Variants in DCHS2 observed in about 807,000 individuals in gnomAD.
The protein encoded by DCHS2 is dachsous cadherin-related 2, also known as protocadherin-23.
DCHS2 carries 142 observed loss-of-function variants against 182.4 expected under a neutral mutation model. The observed-to-expected ratio is 0.78, with a 90% CI of 0.68 to 0.89. DCHS2 has a LOEUF of 0.89. DCHS2 is among the 40% of genes least tolerant of loss of function. The pLI is 0.00. For missense variants in DCHS2, 4,319 were observed against 4,198.6 expected (o/e 1.03, Z -0.79); for synonymous variants, 1,740 against 1,663.3 (o/e 1.05, Z -1.12).
chr4:154,233,931 A>AT lies in DCHS2; in HGVS notation c.*604dup, dbSNP rs1427603626. Reference sequence around the variant, plus strand: ...AGAGTTATGACAAATTTCCTTCTGAATTTTTTATTAGTTTTCCAAAAGACT... The same window carrying AT: ...AGAGTTATGACAAATTTCCTTCTGAATTTTTTTATTAGTTTTCCAAAAGACT... On this transcript the variant is annotated 3_prime_UTR_variant, in exon 20 of 20. Coordinates refer to ENST00000357232, the MANE Select transcript of DCHS2 (RefSeq NM_001358235.2). The AT allele has an allele frequency of 6.6e-6, 1 of 152,038 alleles. No individual in the cohort carries two copies. The highest frequency in any genetic ancestry group is 1.5e-5 in the Non-Finnish European group (1 of 67,988). 9.4% of individuals were successfully genotyped at this position (152,038 alleles called of 1,614,324 possible).
At position 154,482,017 on chromosome 4, in the gene DCHS2, G is replaced by A. The variant is rs116067821; in HGVS notation, c.2052+7287C>T. Among the ~76,000 whole-genome samples the A allele has an allele frequency of 3.9e-3, 600 of 152,324 alleles. 4 individuals are homozygous for A. Among genetic ancestry groups the A allele is most frequent in the Non-Finnish European group, 6.6e-3 (451 of 68,030 alleles). The stretch of plus-strand genomic sequence containing the variant: ...ATGGGAAAGTGATAAAGCCTGAAAT[G>A]AAGGTAACAGCCTGGGCTGTTTAAA... On this transcript the variant is annotated intron_variant, in intron 1 of 19. Coordinates refer to ENST00000357232, the MANE Select transcript of DCHS2 (RefSeq NM_001358235.2).
intron 1 of DCHS2, among the ~76,000 whole-genome samples, chr4:154,404,601 C>A (rs575343891): frequency 6.6e-6 from 1 of 152,328 alleles, no homozygotes; most frequent in South Asian, 2.1e-4. Context: ...CTTGACCAAT[C>A]AACTACTAAA....
chr4:154,393,575 G>T (rs1217246269), intron 1 of DCHS2, among the ~76,000 whole-genome samples: 1 of 152,116 alleles, frequency 6.6e-6, no homozygotes, highest in Non-Finnish European at 1.5e-5. Context: ...ATGTCCAAAA[G>T]GTACTTTTAA....
Position 154,235,657 on chromosome 4 carries a change from C to T in DCHS2, c.8995G>A (p.Val2999Met). 1 of 1,613,912 alleles carries T rather than the reference C, an allele frequency of 6.2e-7. No homozygotes were observed. Residue 2999 changes from valine (V) to methionine (M), a missense_variant, in exon 20 of 20, where the codon GTG (valine) becomes ATG (methionine). By Grantham distance (21) the Val-to-Met change is conservative (BLOSUM62 1). Transcript: ENST00000357232. The part of the protein sequence containing the change: ...VFASSFSISL[V>M]VSFLVFLILI... The stretch of plus-strand genomic sequence containing the variant: ...ATCAGAAACACTAAAAAGGAGACCA[C>T]CAGGCTGATTGAAAAGCTGCTGGCG...
intron 2 of DCHS2, among the ~76,000 whole-genome samples, 189 bp from the exon 3 acceptor site, chr4:154,366,630 T>C (rs1730379649): frequency 6.6e-6 from 1 of 151,832 alleles, no homozygotes; most frequent in Admixed American, 6.6e-5. Context: ...TTCAAAAGAG[T>C]GTGTATATAT....
At position 154,491,591 on chromosome 4, in the gene DCHS2, C is replaced by T. The variant is rs1437553632; in HGVS notation, c.-236G>A. ...TAGCTGCCTCTGCCGCGGCAGCCAC[C>T]TCTTCTGCCCCTGGATTTCTTTAAA... On this transcript the variant is annotated 5_prime_UTR_variant, in exon 1 of 20. Transcript: ENST00000357232. The T allele has an allele frequency of 7.5e-7, 1 of 1,341,786 alleles. No homozygotes were observed. The highest frequency in any genetic ancestry group is 1.5e-5 in the African/African-American group (1 of 66,404). 83.1% of individuals were successfully genotyped at this position (1,341,786 alleles called of 1,614,324 possible). A position where few individuals can be genotyped will look rare whatever the true frequency, so the allele number is the denominator to read the frequency against.
chr4:154,266,656 A>G (rs1578882941), intron 14 of DCHS2, among the ~76,000 whole-genome samples: 1 of 74 alleles, frequency 0.014, no homozygotes, highest in East Asian at 0.5. Context: ...GCTCCGTCTC[A>G]AAAAAAAAAA....
intron 3 of DCHS2, among the ~76,000 whole-genome samples, chr4:154,359,773 TA>T (rs925123834): frequency 2.6e-5 from 4 of 152,084 alleles, no homozygotes; most frequent in African/African-American, 9.7e-5. Context: ...TTGAGAATTT[TA>T]AAAAATTCTT....
chr4:154,490,034 A>T lies in DCHS2; in HGVS notation c.1322T>A (p.Val441Glu), dbSNP rs2111056344. The change falls in exon 1 of 20, where the codon GTG becomes GAG. Residue 441 changes from valine (V) to glutamate (E), a missense_variant. By Grantham distance (121) the Val-to-Glu change is moderately radical (BLOSUM62 -2). Transcript: ENST00000357232. ...CTCCCAGTCACCGTCCGCGTCAGAC[A>T]CCGAGACGCGAGCCACGTAGTCGCC... The part of the protein sequence containing the change: ...RPGDYVARVS[V>E]SDADGDWEKE... 6.5e-7 allele frequency: 1 copy of T among 1,547,684 alleles called. No individual in the cohort carries two copies. The highest frequency in any genetic ancestry group is 8.7e-7 in the Non-Finnish European group (1 of 1,146,938).
intron 3 of DCHS2, among the ~76,000 whole-genome samples, chr4:154,338,261 G>T (rs1728906009): frequency 6.6e-6 from 1 of 152,090 alleles, no homozygotes; most frequent in Non-Finnish European, 1.5e-5. Context: ...AAAATTAAAA[G>T]AAATTTTGAA....
At chr4:154,463,061 T>C (rs1183629892) in intron 1 of DCHS2, among the ~76,000 whole-genome samples, 1 of 151,458 alleles carries the variant, frequency 6.6e-6, no homozygotes, top group African/African-American at 2.4e-5. Context: ...TCTGTATCCT[T>C]CTAAACATTT....
intron 1 of DCHS2, among the ~76,000 whole-genome samples, chr4:154,401,338 G>C (rs1732170744): frequency 6.6e-6 from 1 of 152,038 alleles, no homozygotes; most frequent in Non-Finnish European, 1.5e-5. Flanking sequence ...GAATATTATC[G>C]CATGAGTCTT....
chr4:154,326,205 G>A (rs752926710), intron 7 of DCHS2, among the ~76,000 whole-genome samples: 1 of 152,138 alleles, frequency 6.6e-6, no homozygotes, highest in East Asian at 1.9e-4. Context: ...AGGAGTCTGG[G>A]CATGCTTTAA....
chr4:154,312,560 A>C (rs2111318037), intron 10 of DCHS2, among the ~76,000 whole-genome samples: 1 of 152,286 alleles, frequency 6.6e-6, no homozygotes, highest in Non-Finnish European at 1.5e-5. Context: ...ATAAAAATAA[A>C]ACACAAATAA....
chr4:154,486,516 A>C, intron 1 of DCHS2: 3 of 1,304,672 alleles, frequency 2.3e-6, no homozygotes, highest in Non-Finnish European at 3.0e-6. Flanking sequence ...TTGAGCAGAT[A>C]TAAGCTGTAA....
chr4:154,357,027 T>C (rs1729903560), intron 3 of DCHS2, among the ~76,000 whole-genome samples: 1 of 152,090 alleles, frequency 6.6e-6, no homozygotes, highest in Non-Finnish European at 1.5e-5. Flanking sequence ...CATCCAGGAT[T>C]AAAGCAAGGG....
intron 1 of DCHS2, among the ~76,000 whole-genome samples, chr4:154,475,412 C>T (rs1735643454): frequency 6.6e-6 from 1 of 152,116 alleles, no homozygotes; most frequent in Non-Finnish European, 1.5e-5. Context: ...AGGGTAGAGT[C>T]ATTTAATTCA....
intron 2 of DCHS2, among the ~76,000 whole-genome samples, chr4:154,367,882 T>C (rs1730460556): frequency 6.6e-6 from 1 of 152,024 alleles, no homozygotes. Context: ...GAAGATTGTA[T>C]GGGAGGAAGG....
rs1157346305 is a variant in DCHS2, at chr4:154,321,221, A to C, written c.4178T>G (p.Val1393Gly). The C allele has an allele frequency of 1.3e-6, 2 of 1,500,916 alleles. No homozygotes were observed. The highest frequency in any genetic ancestry group is 1.8e-6 in the Non-Finnish European group (2 of 1,124,742). 93.0% of individuals were successfully genotyped at this position (1,500,916 alleles called of 1,614,324 possible). Reference protein sequence around the residue: ...LQGQAVVNIQVIPLSKGRAIM... With the variant: ...LQGQAVVNIQGIPLSKGRAIM... ...TGCTCTCCCTTTGGATAGTGGGATC[A>C]CCTGAAATACGAATAAAAGAGATAT... Residue 1393 changes from valine to glycine, a missense_variant and splice_region_variant, in exon 9 of 20, where the codon GTG (valine) becomes GGG (glycine). By Grantham distance (109) the Val-to-Gly change is moderately radical (BLOSUM62 -3). Coordinates refer to ENST00000357232, the MANE Select transcript of DCHS2 (RefSeq NM_001358235.2).
Sources: gnomAD v4.1 joint callset for allele counts (sites outside exome capture counted in the v4.1 genomes callset) on GRCh38, gnomAD v4.1.1 for gene constraint, MANE v1.5 for transcripts, NCBI Gene and HGNC (gene_info 2026-07-23, HGNC 2026-07-21) for gene names.